The following TASP1 variants were observed in gnomAD, a reference collection of about 807,000 sequenced individuals.
TASP1 encodes threonine aspartase 1.
In TASP1, 16 loss-of-function variants were observed where a neutral mutation model predicts 56.6. The observed-to-expected ratio is 0.28, with a 90% CI of 0.19 to 0.43. The LOEUF is 0.43. Among genes scored for constraint, TASP1 ranks in the 20% least tolerant of loss-of-function variants. TASP1 has a pLI of 1.00. For missense variants in TASP1, 393 were observed against 511.6 expected, an observed-to-expected ratio of 0.77 and a Z score of 2.24; for synonymous variants, 179 against 184.2, an observed-to-expected ratio of 0.97 and a Z score of 0.23.
chr20:13,375,502 G>A, the TASP1 span, among the ~76,000 whole-genome samples: 128 of 152,256 alleles, frequency 8.4e-4, no homozygotes, highest in African/African-American at 2.9e-3. Context: ...ATCTGAGTTG[G>A]TTCCAAGTCT....
the TASP1 span, chr20:13,166,556 C>T: frequency 6.6e-6 from 1 of 152,100 alleles, no homozygotes; most frequent in Non-Finnish European, 1.5e-5. Context: ...GAAACTGATG[C>T]AGTATTATTT....
Position 13,390,568 on chromosome 20 carries a change from C to T in TASP1, c.1171-116G>A. 2 of 803,838 alleles carry T rather than the reference C, an allele frequency of 2.5e-6. 1 individual carries two copies. The highest frequency in any genetic ancestry group is 3.1e-5 in the South Asian group (2 of 64,486). The allele number at this position is 803,838 out of a possible 1,614,324, so 49.8% of individuals were successfully genotyped here. On this transcript the variant is annotated intron_variant, in intron 13 of 13. Coordinates refer to ENST00000337743, the MANE Select transcript of TASP1 (RefSeq NM_017714.3). ...ACCAGAGCATTAGGCCTTCATTTTGCTTCTGAGCATCCACAGACTGTACCA... is the reference window on the plus strand; with the variant it reads ...ACCAGAGCATTAGGCCTTCATTTTGTTTCTGAGCATCCACAGACTGTACCA...
chr20:13,491,907 T>C (rs1405245045), intron 10 of TASP1, among the ~76,000 whole-genome samples: 1 of 152,194 alleles, frequency 6.6e-6, no homozygotes, highest in African/African-American at 2.4e-5. Flanking sequence ...AGGACAATAA[T>C]ATAATTGCTC....
the TASP1 span, among the ~76,000 whole-genome samples, chr20:13,336,222 A>G: frequency 6.6e-6 from 1 of 152,338 alleles, no homozygotes; most frequent in South Asian, 2.1e-4. Context: ...AGGGCCCCGC[A>G]TTCAGAAGGG....
the TASP1 span, among the ~76,000 whole-genome samples, chr20:13,105,900 TC>T: frequency 6.6e-6 from 1 of 152,174 alleles, no homozygotes; most frequent in Admixed American, 6.5e-5. Flanking sequence ...GAAGACTGGT[TC>T]TCCAAGTCGC....
chr20:13,577,059 A>G (rs902789857), intron 6 of TASP1, among the ~76,000 whole-genome samples: 1 of 152,180 alleles, frequency 6.6e-6, no homozygotes, highest in Non-Finnish European at 1.5e-5. Context: ...TAATAATATG[A>G]AAGAATACGT....
chr20:13,513,941 A>G (rs1476748454), intron 10 of TASP1, among the ~76,000 whole-genome samples: 1 of 152,178 alleles, frequency 6.6e-6, no homozygotes, highest in Non-Finnish European at 1.5e-5. Flanking sequence ...AAGATAAAAA[A>G]TCTTTAACTT....
At chr20:13,163,299 C>T in the TASP1 span, among the ~76,000 whole-genome samples, 2 of 140,032 alleles carry the variant, frequency 1.4e-5, no homozygotes, top group South Asian at 2.3e-4. Flanking sequence ...ACCCGGGAGG[C>T]GGAGGTTGCA....
At chr20:13,462,694 G>C (rs1233897737) in intron 11 of TASP1, among the ~76,000 whole-genome samples, 1 of 152,052 alleles carries the variant, frequency 6.6e-6, no homozygotes, top group Non-Finnish European at 1.5e-5. Flanking sequence ...ATGCATGCTT[G>C]TTCTTAAAAC....
intron 8 of TASP1, among the ~76,000 whole-genome samples, chr20:13,538,482 C>CT (rs2045497759): frequency 6.6e-6 from 1 of 152,166 alleles, no homozygotes; most frequent in Non-Finnish European, 1.5e-5. Context: ...TGAAAACATA[C>CT]CAAGCCCTCC....
chr20:13,398,092 G>C (rs2123627452), intron 13 of TASP1, among the ~76,000 whole-genome samples: 1 of 152,246 alleles, frequency 6.6e-6, no homozygotes, highest in Admixed American at 6.5e-5. Flanking sequence ...GAAAAGAAAT[G>C]AAAGGCTAAC....
the TASP1 span, among the ~76,000 whole-genome samples, chr20:13,264,115 C>T: frequency 6.6e-6 from 1 of 152,128 alleles, no homozygotes; most frequent in Non-Finnish European, 1.5e-5. Flanking sequence ...TTATTTGTTG[C>T]CCCCTGAGCT....
chr20:13,222,419 C>A, the TASP1 span, among the ~76,000 whole-genome samples: 6 of 152,126 alleles, frequency 3.9e-5, no homozygotes, highest in Admixed American at 3.9e-4. Flanking sequence ...AGGAGAATAG[C>A]CAGGCATCCC....
At chr20:13,265,652 A>G in the TASP1 span, among the ~76,000 whole-genome samples, 1 of 152,172 alleles carries the variant, frequency 6.6e-6, no homozygotes, top group Non-Finnish European at 1.5e-5. Context: ...TTTGGTGAGG[A>G]AAAACCTCTT....
At chr20:13,534,218 A>G in intron 8 of TASP1, 77 bp from the exon 9 acceptor site, 1 of 1,529,160 alleles carries the variant, frequency 6.5e-7, no homozygotes, top group Non-Finnish European at 8.8e-7. Flanking sequence ...GCACTTTTCC[A>G]TACAATCATG....
chr20:13,317,959 A>ATTAAACT, the TASP1 span, among the ~76,000 whole-genome samples: 17,395 of 151,902 alleles, frequency 0.11, 1,149 homozygotes, highest in Admixed American at 0.18. Context: ...CTTCATTAAA[A>ATTAAACT]TTAAACTTTT....
the TASP1 span, among the ~76,000 whole-genome samples, chr20:13,274,214 G>A: frequency 6.6e-6 from 1 of 152,150 alleles, no homozygotes; most frequent in Non-Finnish European, 1.5e-5. Flanking sequence ...CTACAAGGAG[G>A]TGATGGTTTC....
intron 13 of TASP1, among the ~76,000 whole-genome samples, chr20:13,391,266 G>A (rs1305108661): frequency 6.6e-6 from 1 of 152,192 alleles, no homozygotes; most frequent in Non-Finnish European, 1.5e-5. Context: ...TTGTAGGGCT[G>A]AGTGTTACAA....
At chr20:13,209,274 T>G in the TASP1 span, among the ~76,000 whole-genome samples, 1 of 152,334 alleles carries the variant, frequency 6.6e-6, no homozygotes, top group East Asian at 1.9e-4. Context: ...TATAATCCAC[T>G]GAGATTTTGG....
Sources: gnomAD v4.1 joint callset for allele counts (sites outside exome capture counted in the v4.1 genomes callset) on GRCh38, gnomAD v4.1.1 for gene constraint, MANE v1.5 for transcripts, NCBI Gene and HGNC (gene_info 2026-07-23, HGNC 2026-07-21) for gene names.